SEC31A: variants seen among roughly 807,000 people sequenced by gnomAD.
SEC31A encodes the protein protein transport protein Sec31A.
SEC31A carries 70 observed loss-of-function variants against 151.0 expected under a neutral mutation model. That is an observed-to-expected ratio of 0.46 (90% CI 0.38 to 0.57). SEC31A has a LOEUF of 0.57. Among genes scored for constraint, SEC31A ranks in the 20% least tolerant of loss-of-function variants. SEC31A has a pLI of 0.00. For missense variants in SEC31A, 1,330 were observed against 1,471.2 expected (o/e 0.90, Z 1.57); for synonymous variants, 475 against 505.9 (o/e 0.94, Z 0.82).
At chr4:82,858,542 CAAAAAAAAAA>C (rs201988682) in intron 14 of SEC31A, among the ~76,000 whole-genome samples, 34,230 of 63,366 alleles carry the variant, frequency 0.54, 5,959 homozygotes, top group East Asian at 0.66. Flanking sequence ...GACTCTGTCT[CAAAAAAAAAA>C]AAAAAAAAAA....
At chr4:82,853,491 C>A in intron 18 of SEC31A, 79 bp downstream of exon 18, 2 of 1,220,694 alleles carry the variant, frequency 1.6e-6, no homozygotes, top group Non-Finnish European at 2.2e-6. Flanking sequence ...AAAAAATGAA[C>A]TTATAGATTA....
intron 20 of SEC31A, chr4:82,845,073 A>G: frequency 1.7e-6 from 1 of 600,012 alleles, no homozygotes; most frequent in Non-Finnish European, 2.9e-6. Context: ...AAAAGCATTA[A>G]AATGCAATGA....
chr4:82,820,729 G>A (rs564252410), intron 26 of SEC31A, among the ~76,000 whole-genome samples: 1 of 152,192 alleles, frequency 6.6e-6, no homozygotes, highest in South Asian at 2.1e-4. Context: ...CTTGTAACTG[G>A]GCCATATAAA....
chr4:82,886,795 A>G (rs1740826674), intron 1 of SEC31A, among the ~76,000 whole-genome samples: 1 of 152,232 alleles, frequency 6.6e-6, no homozygotes, highest in Admixed American at 6.5e-5. Context: ...ATATTTTAAT[A>G]AACATTTTGT....
At chr4:82,844,631 A>G in intron 20 of SEC31A, 122 bp from the exon 21 acceptor site, 1 of 975,274 alleles carries the variant, frequency 1.0e-6, no homozygotes, top group Admixed American at 2.7e-5. Flanking sequence ...ATTGCATAAG[A>G]AACATTGCAT....
At position 82,848,936 on chromosome 4, in the gene SEC31A, T is replaced by C. The variant is rs750135300; in HGVS notation, c.2370A>G (p.Gln790=). 39 of 1,613,942 alleles carry C rather than the reference T, an allele frequency of 2.4e-5. 1 individual carries two copies. In the South Asian group the frequency reaches 4.1e-4, roughly 17 times the overall value. The change falls in exon 20 of 27, where the codon CAA becomes CAG. Residue 790 remains glutamine, a synonymous_variant. Transcript: ENST00000395310. ...ATTCATGTCCTGCTACAGGCTCTCC[T>C]TGTGCTCTACAAAGTCTGTCACGAA... ...MQLRDRLCRA[Q]GEPVAGHESP...
At chr4:82,859,415 A>G (rs936620739) in intron 14 of SEC31A, among the ~76,000 whole-genome samples, 5 of 152,246 alleles carry the variant, frequency 3.3e-5, no homozygotes, top group African/African-American at 9.6e-5. Flanking sequence ...AATTCAAAAT[A>G]AGACAAAAAT....
intron 1 of SEC31A, among the ~76,000 whole-genome samples, chr4:82,883,446 C>T (rs1411080465): frequency 6.6e-6 from 1 of 152,116 alleles, no homozygotes; most frequent in East Asian, 1.9e-4. Context: ...GCAATTGTGC[C>T]TTTTCATACC....
chr4:82,837,201 T>TATATATATATA (rs1727586493), intron 22 of SEC31A, among the ~76,000 whole-genome samples: 12 of 56,138 alleles, frequency 2.1e-4, no homozygotes, highest in Admixed American at 5.0e-4. Context: ...ATATATATAA[T>TATATATATATA]TTCACCACAA....
intron 6 of SEC31A, among the ~76,000 whole-genome samples, chr4:82,874,300 G>C (rs74852680): frequency 8.6e-6 from 1 of 116,766 alleles, no homozygotes; most frequent in Admixed American, 8.8e-5. Flanking sequence ...TCCGTCTCAA[G>C]AAAAAAAAAA....
chr4:82,844,929 G>A (rs1372147248), intron 20 of SEC31A, among the ~76,000 whole-genome samples: 1 of 152,212 alleles, frequency 6.6e-6, no homozygotes, highest in Non-Finnish European at 1.5e-5. Flanking sequence ...AAAGTCTTCA[G>A]TAAAATCAGA....
At chr4:82,870,461 C>T in intron 7 of SEC31A, 37 bp from the exon 8 acceptor site, 1 of 1,490,936 alleles carries the variant, frequency 6.7e-7, no homozygotes, top group Non-Finnish European at 9.3e-7. Context: ...AATTTTTAAT[C>T]TTGAGAAAAC....
chr4:82,837,158 CATATATATATATATATATAT>C (rs138120291), intron 22 of SEC31A, among the ~76,000 whole-genome samples: 19 of 42,674 alleles, frequency 4.5e-4, no homozygotes, highest in Admixed American at 1.7e-3. Context: ...TAAATTTTAT[CATATATATATATATATATAT>C]ATATATATAT....
chr4:82,872,996 C>A (rs1285304272), intron 6 of SEC31A, among the ~76,000 whole-genome samples: 1 of 152,086 alleles, frequency 6.6e-6, no homozygotes, highest in South Asian at 2.1e-4. Context: ...TGCGCCCGGC[C>A]AGTAGAGAAA....
At chr4:82,864,189 A>G (rs1283809090) in intron 11 of SEC31A, among the ~76,000 whole-genome samples, 173 bp downstream of exon 11, 1 of 151,964 alleles carries the variant, frequency 6.6e-6, no homozygotes, top group Non-Finnish European at 1.5e-5. Context: ...AGAAGGAAAA[A>G]CTCTGGACAT....
intron 6 of SEC31A, among the ~76,000 whole-genome samples, chr4:82,873,975 C>A (rs1737356125): frequency 1.3e-5 from 2 of 152,144 alleles, no homozygotes; most frequent in Non-Finnish European, 2.9e-5. Context: ...AAAATTTTTA[C>A]ATTCTAAGAA....
chr4:82,891,942 C>T (rs919574826), upstream of SEC31A, among the ~76,000 whole-genome samples: 1 of 152,202 alleles, frequency 6.6e-6, no homozygotes, highest in Non-Finnish European at 1.5e-5. Context: ...CAACCCAGAT[C>T]TCCTAACTTC....
upstream of SEC31A, chr4:82,891,206 G>GGCAGCCGCAGCC: frequency 1.3e-6 from 2 of 1,527,914 alleles, no homozygotes; most frequent in Non-Finnish European, 1.8e-6. Context: ...GTTCCAACGT[G>GGCAGCCGCAGCC]GCAGCCGCAG....
At chr4:82,847,864 TC>T (rs1730583823) in intron 20 of SEC31A, among the ~76,000 whole-genome samples, 1 of 152,190 alleles carries the variant, frequency 6.6e-6, no homozygotes, top group Non-Finnish European at 1.5e-5. Context: ...TAGAGAGTAT[TC>T]TAGAGAGTTA....
Sources: gnomAD v4.1 joint callset for allele counts (sites outside exome capture counted in the v4.1 genomes callset) on GRCh38, gnomAD v4.1.1 for gene constraint, MANE v1.5 for transcripts, NCBI Gene and HGNC (gene_info 2026-07-23, HGNC 2026-07-21) for gene names.